LPP: variants seen among roughly 807,000 people sequenced by gnomAD.
The protein encoded by LPP is LIM domain containing preferred translocation partner in lipoma, also known as lipoma-preferred partner.
In LPP, 38 loss-of-function variants were observed where a neutral mutation model predicts 60.4. That is an observed-to-expected ratio of 0.63 (90% CI 0.49 to 0.83). The LOEUF is 0.83. Ranked by LOEUF, LPP falls within the 40% of genes least tolerant of loss-of-function variation. LPP has a pLI of 0.00. For missense variants in LPP, 902 were observed against 783.6 expected, an observed-to-expected ratio of 1.15 and a Z score of -1.80; for synonymous variants, 328 against 290.8, an observed-to-expected ratio of 1.13 and a Z score of -1.30.
chr3:188,245,644 C>G (rs1449560679), intron 2 of LPP, among the ~76,000 whole-genome samples: 1 of 149,854 alleles, frequency 6.7e-6, no homozygotes, highest in Non-Finnish European at 1.5e-5. Context: ...TCCCTCTTTT[C>G]TAACCCCACA....
intron 8 of LPP, among the ~76,000 whole-genome samples, chr3:188,740,728 C>T (rs1724115438): frequency 2.6e-5 from 4 of 151,926 alleles, no homozygotes; most frequent in African/African-American, 9.7e-5. Flanking sequence ...AAATTCCTAT[C>T]TTTCTGGAGT....
At chr3:188,527,367 A>AG (rs1451117963) in intron 6 of LPP, among the ~76,000 whole-genome samples, 9 of 150,578 alleles carry the variant, frequency 6.0e-5, no homozygotes, top group African/African-American at 2.2e-4. Flanking sequence ...AAAAAAAAAA[A>AG]AAAGAGAGAA....
At chr3:188,773,830 A>G (rs1441389400) in intron 9 of LPP, among the ~76,000 whole-genome samples, 1 of 152,002 alleles carries the variant, frequency 6.6e-6, no homozygotes, top group African/African-American at 2.4e-5. Flanking sequence ...CTCAGGAAAG[A>G]ACTAGTGGAA....
chr3:188,393,773 A>T (rs1197529827), intron 3 of LPP, among the ~76,000 whole-genome samples: 3 of 152,166 alleles, frequency 2.0e-5, no homozygotes, highest in Admixed American at 2.0e-4. Flanking sequence ...AGATCTGATG[A>T]TGGGATATAC....
intron 7 of LPP, among the ~76,000 whole-genome samples, chr3:188,637,089 C>G (rs1042277129): frequency 1.8e-4 from 27 of 150,550 alleles, no homozygotes; most frequent in Non-Finnish European, 4.4e-5. Context: ...CACACCTATT[C>G]CAAAATTGAC....
At chr3:188,429,417 G>A (rs1162014931) in intron 4 of LPP, among the ~76,000 whole-genome samples, 3 of 152,170 alleles carry the variant, frequency 2.0e-5, no homozygotes, top group African/African-American at 7.2e-5. Context: ...AGAAGGACAC[G>A]AGGCTTAATG....
chr3:188,665,460 C>CT (rs141063775), intron 7 of LPP, among the ~76,000 whole-genome samples: 14 of 61,640 alleles, frequency 2.3e-4, no homozygotes, highest in African/African-American at 6.7e-4. Flanking sequence ...TCTTCTTCTT[C>CT]TTTTTTTTTT....
chr3:188,600,930 AT>A (rs1334492061), intron 6 of LPP, among the ~76,000 whole-genome samples: 1 of 152,098 alleles, frequency 6.6e-6, no homozygotes, highest in Non-Finnish European at 1.5e-5. Flanking sequence ...GTGTGTATAT[AT>A]ATGTATAGAT....
At chr3:188,749,344 A>G (rs1456471112) in intron 8 of LPP, among the ~76,000 whole-genome samples, 2 of 152,192 alleles carry the variant, frequency 1.3e-5, no homozygotes, top group African/African-American at 4.8e-5. Flanking sequence ...ATCTTAATCA[A>G]TGAATTGCCT....
At chr3:188,401,379 C>G (rs543952486) in intron 3 of LPP, among the ~76,000 whole-genome samples, 26 of 152,292 alleles carry the variant, frequency 1.7e-4, no homozygotes, top group Non-Finnish European at 3.2e-4. Flanking sequence ...GCTTCATACC[C>G]AAGCTCACAG....
At chr3:188,320,283 A>T (rs1284429688) in intron 2 of LPP, among the ~76,000 whole-genome samples, 4 of 152,238 alleles carry the variant, frequency 2.6e-5, no homozygotes, top group African/African-American at 9.6e-5. Flanking sequence ...ACTTCATGAT[A>T]ATGGAAAGCC....
intron 1 of LPP, chr3:188,179,489 C>T (rs777461014): frequency 3.1e-5 from 14 of 457,744 alleles, no homozygotes; most frequent in East Asian, 1.4e-4. Context: ...CCCACATCTG[C>T]GACACGCTTG....
chr3:188,210,894 C>T (rs1338447664), intron 1 of LPP, among the ~76,000 whole-genome samples: 5 of 152,080 alleles, frequency 3.3e-5, no homozygotes, highest in African/African-American at 7.2e-5. Context: ...CACGCCCACC[C>T]GCTGAGGAGG....
chr3:188,370,449 T>C (rs1388576452), intron 3 of LPP, among the ~76,000 whole-genome samples: 1 of 152,186 alleles, frequency 6.6e-6, no homozygotes, highest in Admixed American at 6.5e-5. Context: ...CATCCTCATC[T>C]AATCAACATG....
chr3:188,357,040 A>G (rs530126418), intron 3 of LPP, among the ~76,000 whole-genome samples: 1 of 152,300 alleles, frequency 6.6e-6, no homozygotes, highest in South Asian at 2.1e-4. Flanking sequence ...TACACATGCA[A>G]CTACCACCAC....
chr3:188,542,372 T>C (rs1261912307), intron 6 of LPP, among the ~76,000 whole-genome samples: 1 of 152,230 alleles, frequency 6.6e-6, no homozygotes, highest in Non-Finnish European at 1.5e-5. Context: ...TGTTTTATGA[T>C]AGGCACATCC....
intron 1 of LPP, among the ~76,000 whole-genome samples, chr3:188,194,864 GA>G (rs1423694578): frequency 1.3e-5 from 2 of 152,144 alleles, no homozygotes; most frequent in Non-Finnish European, 2.9e-5. Flanking sequence ...GTCTATGGTA[GA>G]AAACACAGGT....
chr3:188,484,554 TC>T (rs1560463669), intron 4 of LPP, 37 bp from the exon 5 acceptor site: 1 of 1,424,536 alleles, frequency 7.0e-7, no homozygotes, highest in East Asian at 2.3e-5. Flanking sequence ...TAACGTTGCA[TC>T]CTTATTAACT....
At position 188,660,967 on chromosome 3, in the gene LPP, T is replaced by A. The variant is rs143952036; in HGVS notation, c.1114-47300T>A. On this transcript the variant is annotated intron_variant, in intron 7 of 11. Coordinates refer to ENST00000617246, the MANE Select transcript of LPP (RefSeq NM_001375462.1). ...ATAGAATCATGCGGAATACTTTCAC[T>A]GCCCCTAAGAATTATCCTTGCTCTG... Among the ~76,000 whole-genome samples, 738 of 152,312 alleles carry A rather than the reference T, an allele frequency of 4.8e-3. 14 individuals are homozygous for A. Among genetic ancestry groups the A allele is most frequent in the African/African-American group, 0.017 (688 of 41,574 alleles).
Sources: gnomAD v4.1 joint callset for allele counts (sites outside exome capture counted in the v4.1 genomes callset) on GRCh38, gnomAD v4.1.1 for gene constraint, MANE v1.5 for transcripts, NCBI Gene and HGNC (gene_info 2026-07-23, HGNC 2026-07-21) for gene names.